GNAL: variants seen among roughly 807,000 people sequenced by gnomAD.
GNAL encodes the protein guanine nucleotide-binding protein G(olf) subunit alpha.
Under a neutral mutation model 55.1 loss-of-function variants are expected in GNAL, and 18 were observed. The ratio of observed to expected loss-of-function variants is 0.33; its 90% confidence interval spans 0.23 to 0.48. GNAL has a LOEUF of 0.48. Ranked by LOEUF, GNAL falls within the 20% of genes least tolerant of loss-of-function variation. GNAL has a pLI of 0.99. For synonymous variants in GNAL, 253 were observed against 237.0 expected (o/e 1.07, Z -0.62); for missense variants, 412 against 614.1 (o/e 0.67, Z 3.48).
chr18:11,846,452 TATATATAAATATACAC>T lies in GNAL; in HGVS notation c.723-15941_723-15926del, dbSNP rs2035739608. Among the ~76,000 whole-genome samples, 5 of 75,870 alleles carry T rather than the reference TATATATAAATATACAC, an allele frequency of 6.6e-5. No homozygotes were observed. In the Admixed American group the frequency reaches 1.0e-3, roughly 16 times the overall value. The allele number at this position is 75,870 out of a possible 152,430, so 49.8% of individuals were successfully genotyped here. On this transcript the variant is annotated intron_variant, in intron 5 of 11. Coordinates refer to ENST00000334049, the MANE Select transcript of GNAL (RefSeq NM_182978.4). ...ATATATAAATATATAAATATAAATA[TATATATAAATATACAC>T]ACACACACACACACACACACACACA...
chr18:11,691,686 C>A (rs1378898912), intron 1 of GNAL, among the ~76,000 whole-genome samples: 1 of 152,054 alleles, frequency 6.6e-6, no homozygotes, highest in Non-Finnish European at 1.5e-5. Context: ...TATGGCTAGC[C>A]AGTTTTCCCA....
intron 5 of GNAL, among the ~76,000 whole-genome samples, chr18:11,849,096 A>G (rs1312686084): frequency 1.3e-5 from 2 of 152,254 alleles, no homozygotes; most frequent in East Asian, 3.8e-4. Context: ...TGCCCAGAAC[A>G]ATGTCTGGTG....
At chr18:11,815,268 A>G (rs2034925943) in intron 4 of GNAL, among the ~76,000 whole-genome samples, 1 of 152,190 alleles carries the variant, frequency 6.6e-6, no homozygotes, top group South Asian at 2.1e-4. Flanking sequence ...TCAATTATGT[A>G]TTAGTCCATT....
intron 4 of GNAL, 125 bp from the exon 5 acceptor site, chr18:11,824,793 A>G: frequency 3.3e-6 from 2 of 597,232 alleles, no homozygotes; most frequent in East Asian, 2.9e-5. Context: ...TACTATGCAG[A>G]CTTCCACAAA....
intron 1 of GNAL, among the ~76,000 whole-genome samples, chr18:11,742,856 G>A (rs1211491360): frequency 6.6e-6 from 1 of 152,142 alleles, no homozygotes; most frequent in Non-Finnish European, 1.5e-5. Context: ...ACCCATCCTG[G>A]CACACTGCCC....
In GNAL at chr18:11,771,215, T is replaced by TAA. The variant is rs539820206; in HGVS notation, c.624+17285_624+17286dup. Among the ~76,000 whole-genome samples, 712 of 128,706 alleles carry TAA rather than the reference T, an allele frequency of 5.5e-3. 4 individuals are homozygous for TAA. The highest frequency in any genetic ancestry group is 0.011 in the South Asian group (44 of 4,008). 84.4% of individuals were successfully genotyped at this position (128,706 alleles called of 152,430 possible). A position where few individuals can be genotyped will look rare whatever the true frequency, so the allele number is the denominator to read the frequency against. On this transcript the variant is annotated intron_variant, in intron 4 of 11. Coordinates refer to ENST00000334049, the MANE Select transcript of GNAL (RefSeq NM_182978.4). ...CCTGGGCAACAAGAGTGAAACTCTGTAAAAAAAAAAAAAAAAGAAAAAAAG... is the reference window on the plus strand; with the variant it reads ...CCTGGGCAACAAGAGTGAAACTCTGTAAAAAAAAAAAAAAAAAAGAAAAAAAG...
chr18:11,727,218 C>T (rs146069619), intron 1 of GNAL, among the ~76,000 whole-genome samples: 3 of 152,350 alleles, frequency 2.0e-5, no homozygotes, highest in African/African-American at 7.2e-5. Flanking sequence ...TGCGCACCCT[C>T]TCTGCCAGCT....
chr18:11,746,334 G>T (rs2032686799), intron 1 of GNAL: 2 of 317,964 alleles, frequency 6.3e-6, no homozygotes, highest in South Asian at 2.8e-5. Flanking sequence ...TTAATGCCAG[G>T]TGCAGTGGCT....
In GNAL at chr18:11,727,216, C is replaced by G. The variant is rs934613943; in HGVS notation, c.377-25637C>G. 3.3e-5 allele frequency among the ~76,000 whole-genome samples: 5 copies of G among 152,212 alleles called. No individual in the cohort carries two copies. In the South Asian group the frequency reaches 8.3e-4, roughly 25 times the overall value. On this transcript the variant is annotated intron_variant, in intron 1 of 11. Transcript: ENST00000334049. ...AGGCTCAGCAGCTTCCCTGCGCACC[C>G]TCTCTGCCAGCTTCTCTGCTGCTCT...
At chr18:11,731,396 G>A (rs1165725670) in intron 1 of GNAL, among the ~76,000 whole-genome samples, 3 of 152,206 alleles carry the variant, frequency 2.0e-5, no homozygotes, top group South Asian at 2.1e-4. Context: ...TGATCCACCC[G>A]CCTTGGCCTC....
At chr18:11,827,956 G>A (rs113789150) in intron 5 of GNAL, among the ~76,000 whole-genome samples, 9,268 of 149,706 alleles carry the variant, frequency 0.062, 435 homozygotes, top group African/African-American at 0.12. Flanking sequence ...GGGCGACAGA[G>A]CGAGACTCCG....
chr18:11,752,294 G>C lies in GNAL; in HGVS notation c.377-559G>C. The C allele has an allele frequency of 3.5e-6, 5 of 1,443,378 alleles. No homozygotes were observed. The highest frequency in any genetic ancestry group is 2.9e-5 in the Admixed American group (1 of 34,658). The allele number at this position is 1,443,378 out of a possible 1,614,324, so 89.4% of individuals were successfully genotyped here. A position where few individuals can be genotyped will look rare whatever the true frequency, so the allele number is the denominator to read the frequency against. ...GGAGAAGAAACGCCTGCTCTGAATC[G>C]GAAAACACCGAAGAGACCAGACCAT... is the stretch of plus-strand genomic sequence containing the variant. On this transcript the variant is annotated intron_variant, in intron 1 of 11. Coordinates refer to ENST00000334049, the MANE Select transcript of GNAL (RefSeq NM_182978.4). The surrounding 1 kb of genome is among the most constrained non-coding windows in gnomAD (Gnocchi z 4.5).
intron 4 of GNAL, among the ~76,000 whole-genome samples, chr18:11,764,688 C>T (rs2033351285): frequency 1.3e-5 from 2 of 152,080 alleles, no homozygotes; most frequent in South Asian, 4.1e-4. Context: ...GAAATAGCAA[C>T]TCCCTGAGCC....
chr18:11,824,125 C>A (rs1251580317), intron 4 of GNAL, among the ~76,000 whole-genome samples: 1 of 151,916 alleles, frequency 6.6e-6, no homozygotes, highest in African/African-American at 2.4e-5. Context: ...TTTTATGTAC[C>A]TAATATGTCT....
chr18:11,811,381 C>A, intron 4 of GNAL: 1 of 153,338 alleles, frequency 6.5e-6, no homozygotes, highest in Non-Finnish European at 1.5e-5. Flanking sequence ...CTTTCTGCCC[C>A]ACCCACCTTC....
At chr18:11,808,425 G>A (rs556327542) in intron 4 of GNAL, among the ~76,000 whole-genome samples, 10 of 152,244 alleles carry the variant, frequency 6.6e-5, no homozygotes, top group South Asian at 2.1e-4. Flanking sequence ...ATCTCTGTGC[G>A]AATTTAAATC....
Position 11,769,051 on chromosome 18 carries a change from TATAATA to T in GNAL, c.624+15107_624+15112del, listed in dbSNP as rs2033537629. Among the ~76,000 whole-genome samples, 2 of 93,152 alleles carry T rather than the reference TATAATA, an allele frequency of 2.1e-5. 1 individual carries two copies. Among genetic ancestry groups the T allele is most frequent in the African/African-American group, 1.6e-4 (2 of 12,486 alleles). 61.1% of individuals were successfully genotyped at this position (93,152 alleles called of 152,430 possible). A position where few individuals can be genotyped will look rare whatever the true frequency, so the allele number is the denominator to read the frequency against. On this transcript the variant is annotated intron_variant, in intron 4 of 11. Coordinates refer to ENST00000334049, the MANE Select transcript of GNAL (RefSeq NM_182978.4). ...TATATTATATATAATATATAATATA[TATAATA>T]TATATTATAATATAGATTATATAAA... is the stretch of plus-strand genomic sequence containing the variant.
chr18:11,696,028 A>G (rs950763602), intron 1 of GNAL, among the ~76,000 whole-genome samples: 3 of 151,700 alleles, frequency 2.0e-5, no homozygotes, highest in Non-Finnish European at 4.4e-5. Flanking sequence ...GTCTTTCTTA[A>G]TGAAGGCAGA....
At chr18:11,799,319 G>T (rs564804129) in intron 4 of GNAL, among the ~76,000 whole-genome samples, 1 of 152,202 alleles carries the variant, frequency 6.6e-6, no homozygotes, top group East Asian at 1.9e-4. Flanking sequence ...GTTGTCTTAG[G>T]GAAAGTGTAA....
Sources: allele counts gnomAD v4.1 joint callset (sites outside exome capture counted in the v4.1 genomes callset), GRCh38; gene constraint gnomAD v4.1.1; non-coding constraint Gnocchi (gnomAD v3.1); transcripts MANE v1.5; gene names NCBI Gene and HGNC (gene_info 2026-07-23, HGNC 2026-07-21).